Variants in HSP90B1 observed in about 807,000 individuals in gnomAD.
HSP90B1 encodes the protein endoplasmin.
In HSP90B1, 27 loss-of-function variants were observed where a neutral mutation model predicts 100.4. The observed-to-expected ratio is 0.27, with a 90% confidence interval of 0.20 to 0.37. The LOEUF (loss-of-function observed/expected upper bound fraction) is 0.37, where lower values mean the gene tolerates loss of function less well. Among genes scored for constraint, HSP90B1 ranks in the 10% least tolerant of loss-of-function variants. The probability of loss-of-function intolerance (pLI) is 1.00; values close to 1 mark genes in which losing one functional copy is unlikely to be tolerated. For missense variants in HSP90B1, 678 were observed against 960.5 expected (o/e 0.71, Z 3.89); for synonymous variants, 304 against 330.8 (o/e 0.92, Z 0.88).
At position 103,932,428 on chromosome 12, in the gene HSP90B1, A is replaced by C. The variant is rs899083521; in HGVS notation, c.294+10A>C. 45 of 1,601,624 alleles carry C rather than the reference A, an allele frequency of 2.8e-5. No individual in the cohort carries two copies. Among genetic ancestry groups the C allele is most frequent in the Non-Finnish European group, 3.8e-5 (44 of 1,173,222 alleles). ...GTATAAAAATAAAGAGGTAAGCAAC[A>C]TGTGGTTAGAATATTTTATCTCTGT... is the stretch of plus-strand genomic sequence containing the variant. On this transcript the variant is annotated intron_variant, in intron 3 of 17. Transcript: ENST00000299767.
chr12:103,932,793 A>T (rs1469638833), intron 3 of HSP90B1, 33 bp from the exon 4 acceptor site: 1 of 1,057,304 alleles, frequency 9.5e-7, no homozygotes, highest in Admixed American at 1.8e-5. Flanking sequence ...TCTTGAGGAT[A>T]GTCTAAGTGT....
rs779370632 is a variant in HSP90B1 at position 103,930,603 on chromosome 12, C to G, written c.49+39C>G. On this transcript the variant is annotated intron_variant, in intron 1 of 17. Transcript: ENST00000299767. This position sits in a 1 kb window ranked among gnomAD's most constrained non-coding sequence, Gnocchi z 4.4. ...GAGGAGCAGACGTCCCCCCTCCACACACGCGGCCGCTTCTCGAAGGTCCTG... is the reference window on the plus strand; with the variant it reads ...GAGGAGCAGACGTCCCCCCTCCACAGACGCGGCCGCTTCTCGAAGGTCCTG... The G allele has an allele frequency of 3.2e-5, 51 of 1,579,702 alleles. No individual in the cohort carries two copies. The Admixed American group carries it at 9.2e-4, about 29-fold the overall frequency.
chr12:103,944,558 C>T (rs1396786839), intron 14 of HSP90B1, among the ~76,000 whole-genome samples: 7 of 146,686 alleles, frequency 4.8e-5, no homozygotes, highest in African/African-American at 1.7e-4. Context: ...CTTAAGGATT[C>T]TTTTTTTTTT....
Position 103,943,538 on chromosome 12 carries a change from T to C in HSP90B1, c.1891-200T>C, listed in dbSNP as rs1157138678. 1.4e-6 allele frequency: 1 copy of C among 691,014 alleles called. No individual in the cohort carries two copies. The highest frequency in any genetic ancestry group is 2.8e-5 in the East Asian group (1 of 35,814). 42.8% of individuals were successfully genotyped at this position (691,014 alleles called of 1,614,324 possible). A position where few individuals can be genotyped will look rare whatever the true frequency, so the allele number is the denominator to read the frequency against. ...TAAATTTTATGTTTTTAAAAGGTGG[T>C]ATTTAAACTTCTGACTAGAAAATTC... On this transcript the variant is annotated intron_variant, in intron 13 of 17. Coordinates refer to ENST00000299767, the MANE Select transcript of HSP90B1 (RefSeq NM_003299.3). The surrounding 1 kb of genome is among the most constrained non-coding windows in gnomAD (Gnocchi z 5.3).
At chr12:103,947,575 C>T (rs1356770481) in intron 17 of HSP90B1, 58 bp from the exon 18 acceptor site, 2 of 1,544,654 alleles carry the variant, frequency 1.3e-6, no homozygotes, top group East Asian at 2.3e-5. Context: ...AACCTGTGAG[C>T]TAGGTTTTTT....
chr12:103,942,819 G>C, intron 12 of HSP90B1, 23 bp downstream of exon 12: 4 of 1,610,484 alleles, frequency 2.5e-6, no homozygotes, highest in Non-Finnish European at 3.4e-6. Context: ...CATAAGTGTT[G>C]TCAGCCATTC....
chr12:103,935,461 CTTAA>C (rs1869886308), intron 5 of HSP90B1, among the ~76,000 whole-genome samples: 1 of 149,144 alleles, frequency 6.7e-6, no homozygotes, highest in African/African-American at 2.5e-5. Context: ...ATTTTTTTTT[CTTAA>C]TTCAGTTTTA....
intron 8 of HSP90B1, among the ~76,000 whole-genome samples, chr12:103,941,022 A>G (rs111856592): frequency 0.015 from 2,316 of 152,298 alleles, 29 homozygotes; most frequent in Non-Finnish European, 0.021. Flanking sequence ...GTTCTTGAGT[A>G]CTTACTGTAG....
intron 5 of HSP90B1, among the ~76,000 whole-genome samples, chr12:103,934,501 A>G (rs1869849255): frequency 6.6e-6 from 1 of 152,198 alleles, no homozygotes; most frequent in Admixed American, 6.5e-5. Context: ...GGAGGGTATA[A>G]AGTAGGAAAT....
rs779424676 is a variant in HSP90B1, at chr12:103,946,667, C to T, written c.2077C>T (p.Leu693=). 2.8e-5 allele frequency: 46 copies of T among 1,614,064 alleles called. No homozygotes were observed. The highest frequency in any genetic ancestry group is 3.8e-5 in the Non-Finnish European group (45 of 1,179,922). ...KTFEINPRHP[L]IRDMLRRIKE... ...ATTTGAAATTAATCCCAGACACCCG[C>T]TGATCAGAGACATGCTTCGACGAAT... Residue 693 remains leucine (L), a synonymous_variant, in exon 15 of 18, where the codon CTG becomes TTG. Transcript: ENST00000299767.
rs762120008 is a variant in HSP90B1, at chr12:103,931,555, T to C, written c.84T>C (p.Asp28=). ...GAGCTGACGATGAAGTTGATGTGGA[T>C]GGTACAGTAGAAGAGGATCTGGGTA... ...SVRADDEVDV[D]GTVEEDLGKS... The change falls in exon 2 of 18, where the codon GAT becomes GAC. Residue 28 remains aspartate, a synonymous_variant. Coordinates refer to ENST00000299767, the MANE Select transcript of HSP90B1 (RefSeq NM_003299.3). The C allele has an allele frequency of 6.2e-7, 1 of 1,613,788 alleles. No individual in the cohort carries two copies. The highest frequency in any genetic ancestry group is 8.5e-7 in the Non-Finnish European group (1 of 1,179,728).
chr12:103,944,538 C>G (rs999703825), intron 14 of HSP90B1, among the ~76,000 whole-genome samples: 6 of 151,818 alleles, frequency 4.0e-5, no homozygotes, highest in Non-Finnish European at 7.4e-5. Context: ...CCTTTTTTCC[C>G]AAGGCCTAGC....
At position 103,943,280 on chromosome 12, in the gene HSP90B1, T is replaced by G; in HGVS notation, c.1851T>G (p.Pro617=). The G allele has an allele frequency of 6.2e-7, 1 of 1,613,996 alleles. No individual in the cohort carries two copies. The highest frequency in any genetic ancestry group is 8.5e-7 in the Non-Finnish European group (1 of 1,179,860). Residue 617 remains proline, a synonymous_variant, in exon 13 of 18, where the codon CCT becomes CCG. Coordinates refer to ENST00000299767, the MANE Select transcript of HSP90B1 (RefSeq NM_003299.3). This position sits in a 1 kb window ranked among gnomAD's most constrained non-coding sequence, Gnocchi z 5.3. ...AAGCAGTTGAGAAAGAATTTGAGCC[T>G]CTGCTGAATTGGATGAAAGATAAAG... ...SREAVEKEFE[P]LLNWMKDKAL...
At chr12:103,938,226 C>A in intron 6 of HSP90B1, 114 bp from the exon 7 acceptor site, 1 of 862,038 alleles carries the variant, frequency 1.2e-6, no homozygotes. Context: ...AGGATACTCT[C>A]AGGGTTTTCT....
In HSP90B1 at chr12:103,930,493, T is replaced by C. The variant is rs1196592062; in HGVS notation, c.-23T>C. 8.1e-6 allele frequency: 13 copies of C among 1,600,142 alleles called. No homozygotes were observed. The highest frequency in any genetic ancestry group is 1.0e-5 in the Non-Finnish European group (12 of 1,173,418). ...GGCGGCTCCTGCGATCGAAGGGGAC[T>C]TGAGACTCACCGGCCGCACGCCATG... On this transcript the variant is annotated 5_prime_UTR_variant, in exon 1 of 18. Coordinates refer to ENST00000299767, the MANE Select transcript of HSP90B1 (RefSeq NM_003299.3). The surrounding 1 kb of genome is among the most constrained non-coding windows in gnomAD (Gnocchi z 4.4).
At chr12:103,934,460 G>A (rs995748428) in intron 5 of HSP90B1, among the ~76,000 whole-genome samples, 173 bp downstream of exon 5, 6 of 152,206 alleles carry the variant, frequency 3.9e-5, no homozygotes, top group African/African-American at 1.4e-4. Flanking sequence ...CAAAGGGCCA[G>A]GCACAAAGGT....
At position 103,934,138 on chromosome 12, in the gene HSP90B1, T is replaced by C; in HGVS notation, c.594T>C (p.Gly198=). The change falls in exon 5 of 18, where the codon GGT becomes GGC. Residue 198 remains glycine, a synonymous_variant. Transcript: ENST00000299767. Reference sequence around the variant, plus strand: ...AATTGATTGGCCAGTTTGGTGTCGGTTTCTATTCCGCCTTCCTTGTAGCAG... The same window carrying C: ...AATTGATTGGCCAGTTTGGTGTCGGCTTCTATTCCGCCTTCCTTGTAGCAG... ...TSELIGQFGV[G]FYSAFLVADK... 6.2e-7 allele frequency: 1 copy of C among 1,614,214 alleles called. No individual in the cohort carries two copies. Among genetic ancestry groups the C allele is most frequent in the South Asian group, 1.1e-5 (1 of 91,080 alleles).
At position 103,941,605 on chromosome 12, in the gene HSP90B1, G is replaced by C. The variant is rs1870080346; in HGVS notation, c.1231-24G>C. On this transcript the variant is annotated intron_variant, in intron 9 of 17. Coordinates refer to ENST00000299767, the MANE Select transcript of HSP90B1 (RefSeq NM_003299.3). ...AATTTGAAAGTTTAATTTCCAGAAA[G>C]TGACTTTTTTTTGGTCTCTTTAGCT... 3.1e-6 allele frequency: 5 copies of C among 1,613,882 alleles called. No individual in the cohort carries two copies. The South Asian group carries it at 5.5e-5, about 18-fold the overall frequency.
In HSP90B1 at chr12:103,943,169, T is replaced by A; in HGVS notation, c.1740T>A (p.Leu580=). ...TGGATGAATACTGTATTCAGGCCCTTCCCGAATTTGATGGGAAGAGGTTCC... is the reference window on the plus strand; with the variant it reads ...TGGATGAATACTGTATTCAGGCCCTACCCGAATTTGATGGGAAGAGGTTCC... ...EPVDEYCIQA[L]PEFDGKRFQN... is the part of the protein sequence containing the mutation. The change falls in exon 13 of 18, where the codon CTT becomes CTA. Residue 580 remains leucine, a synonymous_variant. Transcript: ENST00000299767. The surrounding 1 kb of genome is among the most constrained non-coding windows in gnomAD (Gnocchi z 5.3). 2 of 1,614,156 alleles carry A rather than the reference T, an allele frequency of 1.2e-6. No homozygotes were observed. Among genetic ancestry groups the A allele is most frequent in the South Asian group, 2.2e-5 (2 of 91,086 alleles).
Sources: allele counts gnomAD v4.1 joint callset (sites outside exome capture counted in the v4.1 genomes callset), GRCh38; gene constraint gnomAD v4.1.1; non-coding constraint Gnocchi (gnomAD v3.1); transcripts MANE v1.5; gene names NCBI Gene and HGNC (gene_info 2026-07-23, HGNC 2026-07-21).